CDKL5: variants seen among roughly 807,000 people sequenced by gnomAD.
The protein encoded by CDKL5 is cyclin dependent kinase like 5, also known as cyclin-dependent kinase-like 5.
CDKL5 carries 8 observed loss-of-function variants against 61.7 expected under a neutral mutation model. The ratio of observed to expected loss-of-function variants is 0.13; its 90% CI spans 0.08 to 0.23. The LOEUF (loss-of-function observed/expected upper bound fraction) is 0.23. Ranked by LOEUF, CDKL5 falls within the 10% of genes least tolerant of loss-of-function variation. The pLI is 1.00. For missense variants in CDKL5, 440 were observed against 734.5 expected (o/e 0.60, Z 4.63); for synonymous variants, 275 against 272.3 (o/e 1.01, Z -0.10).
At chrX:18,597,091 C>G (rs759093324) in intron 10 of CDKL5, among the ~76,000 whole-genome samples, 29 of 110,799 alleles carry the variant, frequency 2.6e-4, no homozygotes, top group Non-Finnish European at 5.3e-4. Flanking sequence ...ACCCTGGAAG[C>G]CTTCTTATGC....
intron 1 of CDKL5, among the ~76,000 whole-genome samples, chrX:18,445,076 C>CTTT (rs1187295211): frequency 3.3e-5 from 3 of 91,096 alleles, no homozygotes; most frequent in African/African-American, 1.2e-4. Flanking sequence ...GTTTGGGTCA[C>CTTT]TTTTTTTTTT....
In CDKL5 at chrX:18,507,059, A is replaced by C; in HGVS notation, c.-38A>C. 1.9e-6 allele frequency: 2 copies of C among 1,039,842 alleles called. No homozygotes were observed. The highest frequency in any genetic ancestry group is 2.7e-6 in the Non-Finnish European group (2 of 738,826). The allele number at this position is 1,039,842 out of a possible 1,213,427, so 85.7% of individuals were successfully genotyped here. The stretch of plus-strand genomic sequence containing the variant: ...CTTTCTGAGAAGTTCTTTTGGTGCC[A>C]TGTTTTGTGGCTTGCATCAAAAGAG... On this transcript the variant is annotated 5_prime_UTR_variant, in exon 2 of 18. An upstream start codon of the reference 5' UTR is lost. Coordinates refer to ENST00000623535, the MANE Select transcript of CDKL5 (RefSeq NM_001323289.2).
chrX:18,521,191 A>G (rs184553351), intron 3 of CDKL5, among the ~76,000 whole-genome samples: 37 of 112,230 alleles, frequency 3.3e-4, no homozygotes, highest in Admixed American at 9.5e-4. Flanking sequence ...AGAAATGTCT[A>G]TTCCAATCCA....
In CDKL5 at chrX:18,633,299, A is replaced by G; in HGVS notation, c.*4542A>G. ...CCTTGCCTCCTTCAGTTCATCACTA[A>G]GAAAGTGTGTAGGCAGAGAAAACTT... On this transcript the variant is annotated 3_prime_UTR_variant, in exon 18 of 18. Coordinates refer to ENST00000623535, the MANE Select transcript of CDKL5 (RefSeq NM_001323289.2). 1 of 754,147 alleles carries G rather than the reference A, an allele frequency of 1.3e-6. No homozygotes were observed. The highest frequency in any genetic ancestry group is 1.6e-6 in the Non-Finnish European group (1 of 639,034). 62.2% of individuals were successfully genotyped at this position (754,147 alleles called of 1,213,427 possible).
chrX:18,509,170 TGA>T (rs1922703723), intron 2 of CDKL5, among the ~76,000 whole-genome samples: 1 of 82,197 alleles, frequency 1.2e-5, no homozygotes, highest in South Asian at 6.9e-4. Flanking sequence ...TCCAGCCTGA[TGA>T]GAGAGCGAGA....
At chrX:18,492,628 TCC>T (rs1424501714) in intron 1 of CDKL5, among the ~76,000 whole-genome samples, 1 of 111,394 alleles carries the variant, frequency 9.0e-6, no homozygotes, top group Non-Finnish European at 1.9e-5. Flanking sequence ...TTTCCCTCCC[TCC>T]CTGTCTCTAA....
At chrX:18,588,907 C>T (rs775046725) in intron 9 of CDKL5, 1 of 104,221 alleles carries the variant, frequency 9.6e-6, no homozygotes, top group East Asian at 3.0e-4. Context: ...GAGTGAGATT[C>T]TGTCTCAAAA....
chrX:18,452,819 GTTTTT>G (rs757726659), intron 1 of CDKL5, among the ~76,000 whole-genome samples: 1 of 57,683 alleles, frequency 1.7e-5, no homozygotes, highest in Non-Finnish European at 3.1e-5. Flanking sequence ...TAGTTCTCAA[GTTTTT>G]TTTTTTTTTT....
chrX:18,516,279 C>T (rs1412366085), intron 3 of CDKL5, among the ~76,000 whole-genome samples: 2 of 104,070 alleles, frequency 1.9e-5, no homozygotes, highest in East Asian at 6.3e-4. Flanking sequence ...TTGCGCCTGG[C>T]CTACGTTTTT....
chrX:18,510,413 C>T (rs759301105), intron 2 of CDKL5, among the ~76,000 whole-genome samples: 135 of 112,326 alleles, frequency 1.2e-3, no homozygotes, highest in African/African-American at 4.1e-3. Flanking sequence ...CCTCGGCCTC[C>T]CAAAGTGCTG....
chrX:18,439,045 G>GCCCCCCCCCCCCCCCCC (rs367844172), intron 1 of CDKL5, among the ~76,000 whole-genome samples: 6 of 37,485 alleles, frequency 1.6e-4, no homozygotes, highest in Non-Finnish European at 2.2e-4. Flanking sequence ...GCCCCTTTTT[G>GCCCCCCCCCCCCCCCCC]CCCCCCCCCC....
rs1282409786 is a variant in CDKL5, at chrX:18,633,042, G to A, written c.*4285G>A. 1.3e-6 allele frequency: 1 copy of A among 752,453 alleles called. No homozygotes were observed. Among genetic ancestry groups the A allele is most frequent in the Admixed American group, 8.8e-5 (1 of 11,385 alleles). 62.0% of individuals were successfully genotyped at this position (752,453 alleles called of 1,213,427 possible). On this transcript the variant is annotated 3_prime_UTR_variant, in exon 18 of 18. Coordinates refer to ENST00000623535, the MANE Select transcript of CDKL5 (RefSeq NM_001323289.2). ...CTGAACTCTTTCAGCAAGGGCAATG[G>A]CTCAATGTGATTCGGTGCTGGAGCT...
intron 8 of CDKL5, chrX:18,587,747 A>C (rs1925687951): frequency 4.6e-6 from 2 of 435,949 alleles, no homozygotes; most frequent in African/African-American, 4.9e-5. Context: ...ATACTAACTA[A>C]ATTGTTATTA....
intron 21 of CDKL5, among the ~76,000 whole-genome samples, chrX:18,651,423 C>T (rs953965020): frequency 7.2e-5 from 8 of 111,073 alleles, no homozygotes; most frequent in African/African-American, 2.6e-4. Flanking sequence ...GGTCACAGCC[C>T]CAGCTAAAGT....
At chrX:18,644,711 C>T, downstream of CDKL5, 4 of 1,001,191 alleles carry the variant, frequency 4.0e-6, no homozygotes, top group Non-Finnish European at 5.6e-6. Flanking sequence ...GAGGGGATGC[C>T]AGCATCCAAA....
Position 18,433,160 on chromosome X carries a change from A to G in CDKL5, c.-163+7465A>G, listed in dbSNP as rs1199457065. 4.6e-5 allele frequency among the ~76,000 whole-genome samples: 5 copies of G among 109,457 alleles called. No homozygotes were observed. The Admixed American group carries it at 4.9e-4, about 11-fold the overall frequency. On this transcript the variant is annotated intron_variant, in intron 1 of 17. Coordinates refer to ENST00000623535, the MANE Select transcript of CDKL5 (RefSeq NM_001323289.2). ...GGAAGATGGCTTGAGCTTGGGAGGC[A>G]GAGGTTGCAGTGAGCCAAGATCGTA...
chrX:18,512,439 A>G (rs1396310881), intron 3 of CDKL5, among the ~76,000 whole-genome samples: 3 of 111,495 alleles, frequency 2.7e-5, no homozygotes, highest in African/African-American at 6.5e-5. Context: ...TTCCTATTGT[A>G]CAAAATACTA....
rs200541774 is a variant in CDKL5 at position 18,467,235 on chromosome X, A to AAGG, written c.-162-39698_-162-39696dup. Among the ~76,000 whole-genome samples the AAGG allele has an allele frequency of 1.8e-3, 204 of 111,078 alleles. 3 individuals are homozygous for AAGG. The East Asian group carries it at 0.047, about 26-fold the overall frequency. On this transcript the variant is annotated intron_variant, in intron 1 of 17. Transcript: ENST00000623535. ...ACCAGCAGATTCATTCATTATCTAT[A>AAGG]AGGAACATCTGAGCCCCCAGGCCAG...
chrX:18,542,961 C>T (rs1924076305), intron 3 of CDKL5, among the ~76,000 whole-genome samples: 1 of 110,995 alleles, frequency 9.0e-6, no homozygotes, highest in Non-Finnish European at 1.9e-5. Context: ...ATCTTGCAGA[C>T]GCTACCCTGG....
Sources: gnomAD v4.1 joint callset for allele counts (sites outside exome capture counted in the v4.1 genomes callset) on GRCh38, gnomAD v4.1.1 for gene constraint, MANE v1.5 for transcripts, NCBI Gene and HGNC (gene_info 2026-07-23, HGNC 2026-07-21) for gene names.